The following EHD4 variants were observed in gnomAD, a reference collection of about 807,000 sequenced individuals.
EHD4 encodes the protein EH domain containing 4.
In EHD4, 37 loss-of-function variants were observed where a neutral mutation model predicts 51.0. The observed-to-expected ratio is 0.73, with a 90% CI of 0.56 to 0.95. The LOEUF (loss-of-function observed/expected upper bound fraction) is 0.95, where lower values mean the gene tolerates loss of function less well. EHD4 is among the 40% of genes least tolerant of loss of function. The probability of loss-of-function intolerance (pLI) is 0.00; values close to 1 mark genes in which losing one functional copy is unlikely to be tolerated. For synonymous variants in EHD4, 297 were observed against 317.3 expected (o/e 0.94, Z 0.68); for missense variants, 632 against 733.1 (o/e 0.86, Z 1.59).
intron 3 of EHD4, among the ~76,000 whole-genome samples, chr15:41,930,965 G>A (rs538590559): frequency 8.5e-5 from 13 of 152,204 alleles, no homozygotes; most frequent in Non-Finnish European, 1.9e-4. Flanking sequence ...CACTAACCAT[G>A]AGGAATGAAA....
At chr15:41,972,202 C>A in intron 1 of EHD4, 57 bp downstream of exon 1, 1 of 1,343,498 alleles carries the variant, frequency 7.4e-7, no homozygotes, top group Non-Finnish European at 9.6e-7. Context: ...CCGACTGCGG[C>A]GCACACGTGG....
intron 1 of EHD4, among the ~76,000 whole-genome samples, chr15:41,966,547 C>T (rs1434568527): frequency 6.6e-6 from 1 of 152,094 alleles, no homozygotes; most frequent in African/African-American, 2.4e-5. Context: ...CAGGGTCAAA[C>T]CAATGAGACT....
At chr15:41,968,453 C>CT (rs11291085) in intron 1 of EHD4, among the ~76,000 whole-genome samples, 55,486 of 124,476 alleles carry the variant, frequency 0.45, 14,434 homozygotes, top group Non-Finnish European at 0.57. Context: ...ATCTTTACTC[C>CT]TTTTTTTTTT....
At chr15:41,911,424 G>A (rs2067548519) in intron 4 of EHD4, among the ~76,000 whole-genome samples, 1 of 152,052 alleles carries the variant, frequency 6.6e-6, no homozygotes, top group South Asian at 2.1e-4. Context: ...CCGCTGTGAT[G>A]AGCAAGTGGT....
intron 4 of EHD4, among the ~76,000 whole-genome samples, chr15:41,915,384 C>T (rs1294821519): frequency 6.6e-6 from 1 of 152,196 alleles, no homozygotes. Context: ...AGCCTATAGA[C>T]AAGAAAGCCA....
intron 2 of EHD4, among the ~76,000 whole-genome samples, chr15:41,950,049 A>G (rs770150954): frequency 2.0e-5 from 3 of 152,260 alleles, no homozygotes; most frequent in Non-Finnish European, 4.4e-5. Flanking sequence ...GCAGTCTGCT[A>G]GAGTTTCAGA....
intron 5 of EHD4, among the ~76,000 whole-genome samples, chr15:41,903,328 G>GCA (rs1463625603): frequency 6.6e-5 from 1 of 15,138 alleles, no homozygotes; most frequent in Non-Finnish European, 6.4e-4. Flanking sequence ...ATGCTTTCTT[G>GCA]TAAAAAAAAA....
chr15:41,948,921 G>A (rs566751614), intron 2 of EHD4, among the ~76,000 whole-genome samples: 8 of 151,038 alleles, frequency 5.3e-5, no homozygotes, highest in African/African-American at 1.9e-4. Flanking sequence ...CCCAGCAATC[G>A]GGAAGCTGAG....
intron 5 of EHD4, among the ~76,000 whole-genome samples, chr15:41,906,521 C>T (rs771521374): frequency 4.4e-4 from 67 of 152,206 alleles, no homozygotes; most frequent in Middle Eastern, 3.2e-3. Flanking sequence ...ACCCACCAAA[C>T]GCAGGTACCC....
At chr15:41,950,900 G>A (rs58818261) in intron 2 of EHD4, among the ~76,000 whole-genome samples, 14,335 of 152,152 alleles carry the variant, frequency 0.094, 820 homozygotes, top group South Asian at 0.25. Context: ...TGTTATCAAC[G>A]CCAAAAGAAT....
chr15:41,943,786 C>T (rs894468012), intron 2 of EHD4, among the ~76,000 whole-genome samples: 1 of 152,208 alleles, frequency 6.6e-6, no homozygotes, highest in Admixed American at 6.5e-5. Context: ...GGGACTGGGG[C>T]CTGTTTCCCC....
At chr15:41,936,374 A>C (rs1350860643) in intron 3 of EHD4, among the ~76,000 whole-genome samples, 1 of 152,180 alleles carries the variant, frequency 6.6e-6, no homozygotes, top group Non-Finnish European at 1.5e-5. Context: ...AATTGCTCCT[A>C]CCTCACAGAG....
Position 41,919,284 on chromosome 15 carries a change from CT to C in EHD4, c.849del (p.Asp284ThrfsTer34). The stretch of plus-strand genomic sequence containing the variant: ...GCCTTCTGGGGGAGGCTCTGGATGT[CT>C]CTAAAGAGGTCCTGGGCCTCAGCCT... ...LFEAEAQDLF[R>X]DIQSLPQKAA... is the part of the protein sequence containing the mutation. On this transcript the variant is annotated frameshift_variant, in exon 4 of 6. Transcript: ENST00000220325. LOFTEE classifies it high-confidence loss of function. 1.2e-6 allele frequency: 2 copies of C among 1,614,190 alleles called. No individual in the cohort carries two copies. Among genetic ancestry groups the C allele is most frequent in the Non-Finnish European group, 1.7e-6 (2 of 1,180,046 alleles).
intron 2 of EHD4, among the ~76,000 whole-genome samples, chr15:41,952,943 T>A (rs1319132410): frequency 2.3e-5 from 3 of 129,006 alleles, no homozygotes; most frequent in Non-Finnish European, 4.6e-5. Context: ...TGAGCGGAGA[T>A]CATGCCACTG....
rs780107549 is a variant in EHD4, at chr15:41,909,692, C to G, written c.1089+7G>C. 1 of 1,614,128 alleles carries G rather than the reference C, an allele frequency of 6.2e-7. No individual in the cohort carries two copies. The highest frequency in any genetic ancestry group is 8.5e-7 in the Non-Finnish European group (1 of 1,179,984). ...CTGCCCGTGACATTGTAGTGGGCTC[C>G]CAGTACCTGCATAGCCTTGACCTCA... On this transcript the variant is annotated splice_region_variant and intron_variant, in intron 5 of 5. Transcript: ENST00000220325.
chr15:41,972,465 G>T lies in EHD4; in HGVS notation c.30C>A (p.Gly10=), dbSNP rs1425828521. ...CCGCGCCGCCAGCGCGTTCGCGCCC[G>T]CCCGCCTGCCGCCCCATCCAGCTGA... MFSWMGRQA[G]GRERAGGADA... is the part of the protein sequence containing the mutation. The change falls in exon 1 of 6, where the codon GGC becomes GGA. Residue 10 remains glycine (G), a synonymous_variant. Coordinates refer to ENST00000220325, the MANE Select transcript of EHD4 (RefSeq NM_139265.4). 2 of 1,545,010 alleles carry T rather than the reference G, an allele frequency of 1.3e-6. No individual in the cohort carries two copies. Among genetic ancestry groups the T allele is most frequent in the South Asian group, 2.4e-5 (2 of 83,090 alleles).
intron 3 of EHD4, among the ~76,000 whole-genome samples, chr15:41,928,042 G>T (rs2067674266): frequency 6.6e-6 from 1 of 152,104 alleles, no homozygotes; most frequent in Admixed American, 6.6e-5. Context: ...GATCGCTCAG[G>T]TATTATAAAT....
chr15:41,909,204 C>T (rs1024087642), intron 5 of EHD4, among the ~76,000 whole-genome samples: 1 of 152,242 alleles, frequency 6.6e-6, no homozygotes, highest in East Asian at 1.9e-4. Flanking sequence ...CCTTTAAGCA[C>T]AGTCCTCCCT....
In EHD4 at chr15:41,898,235, G is replaced by A. The variant is rs2067452516; in HGVS notation, c.*2410C>T. 6.6e-6 allele frequency: 1 copy of A among 152,180 alleles called. No homozygotes were observed. The highest frequency in any genetic ancestry group is 2.1e-4 in the South Asian group (1 of 4,818). The allele number at this position is 152,180 out of a possible 1,614,324, so 9.4% of individuals were successfully genotyped here. A position where few individuals can be genotyped will look rare whatever the true frequency, so the allele number is the denominator to read the frequency against. On this transcript the variant is annotated 3_prime_UTR_variant, in exon 6 of 6. Coordinates refer to ENST00000220325, the MANE Select transcript of EHD4 (RefSeq NM_139265.4). ...GCCTCTCCCACCTGAGAGCGCAGAG[G>A]TAGGGAGATCACAGTGCCTGAGAGG...
Sources: gnomAD v4.1 joint callset for allele counts (sites outside exome capture counted in the v4.1 genomes callset) on GRCh38, gnomAD v4.1.1 for gene constraint, MANE v1.5 for transcripts, NCBI Gene and HGNC (gene_info 2026-07-23, HGNC 2026-07-21) for gene names.